The following FAM241A variants were observed in gnomAD, a reference collection of about 807,000 sequenced individuals.
FAM241A encodes the protein uncharacterized protein FAM241A.
A neutral mutation model predicts 12.2 loss-of-function variants in FAM241A; 7 were observed. That is an observed-to-expected ratio of 0.58 (90% CI 0.33 to 1.08). The LOEUF (loss-of-function observed/expected upper bound fraction) is 1.08, where lower values mean the gene tolerates loss of function less well. FAM241A is among the 50% of genes least tolerant of loss of function. FAM241A has a pLI of 0.04. For missense variants in FAM241A, 161 were observed against 169.7 expected (o/e 0.95, Z 0.29); for synonymous variants, 74 against 68.2 (o/e 1.08, Z -0.42).
Position 112,192,531 on chromosome 4 carries a change from G to A in FAM241A, c.*5593G>A, listed in dbSNP as rs1273713759. 14 of 133,212 alleles carry A rather than the reference G, an allele frequency of 1.1e-4. No homozygotes were observed. The highest frequency in any genetic ancestry group is 2.2e-4 in the Non-Finnish European group (14 of 65,104). 8.3% of individuals were successfully genotyped at this position (133,212 alleles called of 1,614,324 possible). A position where few individuals can be genotyped will look rare whatever the true frequency, so the allele number is the denominator to read the frequency against. On this transcript the variant is annotated 3_prime_UTR_variant, in exon 2 of 2. Coordinates refer to ENST00000309733, the MANE Select transcript of FAM241A (RefSeq NM_152400.3). ...CCCACAACAGTCCCCAGAGTGTGATGTTCCCCTTCCTGTGTCCATGTGTTC... is the reference window on the plus strand; with the variant it reads ...CCCACAACAGTCCCCAGAGTGTGATATTCCCCTTCCTGTGTCCATGTGTTC...
chr4:112,176,339 T>C (rs1305426311), intron 1 of FAM241A, among the ~76,000 whole-genome samples: 1 of 152,214 alleles, frequency 6.6e-6, no homozygotes, highest in East Asian at 1.9e-4. Context: ...TACCATATAT[T>C]GAGTGCTTAT....
At chr4:112,171,570 G>A in intron 1 of FAM241A, 1 of 709,038 alleles carries the variant, frequency 1.4e-6, no homozygotes, top group Non-Finnish European at 2.6e-6. Context: ...ATAAAATCTT[G>A]AGTTTATGGC....
chr4:112,186,851 C>A lies in FAM241A; in HGVS notation c.312C>A (p.Phe104Leu), dbSNP rs200998231. Residue 104 changes from phenylalanine to leucine, a missense_variant, in exon 2 of 2, where the codon TTC (phenylalanine) becomes TTA (leucine). Physicochemically the swap from Phe to Leu is conservative, Grantham distance 22. Coordinates refer to ENST00000309733, the MANE Select transcript of FAM241A (RefSeq NM_152400.3). ...ERIVEPVIVI[F>L]FWVMLWFLGL... ...TAGTGGAACCAGTAATAGTCATTTT[C>A]TTTTGGGTTATGCTGTGGTTCCTTG... The A allele has an allele frequency of 3.5e-5, 56 of 1,613,838 alleles. No individual in the cohort carries two copies. The highest frequency in any genetic ancestry group is 4.5e-5 in the Non-Finnish European group (53 of 1,179,956).
intron 1 of FAM241A, among the ~76,000 whole-genome samples, chr4:112,162,693 A>T (rs1013249760): frequency 6.6e-6 from 1 of 152,246 alleles, no homozygotes; most frequent in African/African-American, 2.4e-5. Context: ...TTCCATGCTC[A>T]TGGGTAGGAA....
chr4:112,179,710 A>T (rs539856547), intron 1 of FAM241A, among the ~76,000 whole-genome samples: 27 of 141,914 alleles, frequency 1.9e-4, no homozygotes, highest in Middle Eastern at 3.6e-3. Context: ...AGTATAATAA[A>T]ATATATATAT....
chr4:112,155,310 TAAAATG>T (rs1723329744), intron 1 of FAM241A, among the ~76,000 whole-genome samples: 1 of 152,150 alleles, frequency 6.6e-6, no homozygotes, highest in African/African-American at 2.4e-5. Context: ...GCCCGGTAGT[TAAAATG>T]AAAAATGAAT....
At chr4:112,158,968 C>T (rs776719468) in intron 1 of FAM241A, among the ~76,000 whole-genome samples, 3 of 152,044 alleles carry the variant, frequency 2.0e-5, no homozygotes, top group Admixed American at 6.6e-5. Flanking sequence ...ACCCCTTTTC[C>T]CCCCATACAT....
At chr4:112,157,640 G>T (rs1172651602) in intron 1 of FAM241A, among the ~76,000 whole-genome samples, 1 of 151,396 alleles carries the variant, frequency 6.6e-6, no homozygotes, top group Non-Finnish European at 1.5e-5. Flanking sequence ...TGATTTATAT[G>T]AAAAAAAAGT....
At chr4:112,161,494 C>T (rs1342825662) in intron 1 of FAM241A, among the ~76,000 whole-genome samples, 3 of 152,236 alleles carry the variant, frequency 2.0e-5, no homozygotes, top group African/African-American at 2.4e-5. Flanking sequence ...ACCAATCCCA[C>T]GGAAATACAA....
intron 1 of FAM241A, among the ~76,000 whole-genome samples, chr4:112,178,845 CAAAG>C (rs1461519456): frequency 1.3e-5 from 2 of 151,946 alleles, no homozygotes; most frequent in Non-Finnish European, 2.9e-5. Flanking sequence ...AGACACTTCT[CAAAG>C]GAAGACATAA....
At chr4:112,183,196 A>G (rs916662709) in intron 1 of FAM241A, among the ~76,000 whole-genome samples, 3 of 151,960 alleles carry the variant, frequency 2.0e-5, no homozygotes, top group Admixed American at 6.6e-5. Flanking sequence ...TAAGGTGGCA[A>G]AGTTTTAGAA....
intron 1 of FAM241A, among the ~76,000 whole-genome samples, chr4:112,161,861 G>T (rs1399861890): frequency 3.3e-5 from 5 of 152,094 alleles, no homozygotes; most frequent in African/African-American, 9.7e-5. Flanking sequence ...AACAAAAAAA[G>T]AGAATTTTAG....
intron 1 of FAM241A, among the ~76,000 whole-genome samples, chr4:112,177,292 T>C (rs1007111953): frequency 6.6e-6 from 1 of 152,168 alleles, no homozygotes; most frequent in African/African-American, 2.4e-5. Flanking sequence ...CTGTGTAAAA[T>C]GAAAGTGTAT....
At chr4:112,155,633 C>G (rs1447511018) in intron 1 of FAM241A, among the ~76,000 whole-genome samples, 1 of 151,828 alleles carries the variant, frequency 6.6e-6, no homozygotes, top group Non-Finnish European at 1.5e-5. Context: ...GAAATGAAAA[C>G]TGCAACTTCA....
intron 1 of FAM241A, among the ~76,000 whole-genome samples, chr4:112,184,395 G>A (rs1382249109): frequency 2.0e-5 from 3 of 152,154 alleles, no homozygotes; most frequent in Admixed American, 6.5e-5. Flanking sequence ...CAGGCATGGT[G>A]GTGCATGCCT....
intron 1 of FAM241A, among the ~76,000 whole-genome samples, chr4:112,186,162 T>C (rs937620014): frequency 1.3e-5 from 2 of 151,898 alleles, no homozygotes; most frequent in Admixed American, 6.6e-5. Context: ...AAAAAAAAAA[T>C]TTGTATTAAA....
intron 1 of FAM241A, among the ~76,000 whole-genome samples, chr4:112,165,867 A>G (rs985356567): frequency 6.6e-6 from 1 of 152,194 alleles, no homozygotes; most frequent in African/African-American, 2.4e-5. Context: ...GATTGTTGTC[A>G]AAATAATTTA....
At chr4:112,162,952 C>T (rs534304290) in intron 1 of FAM241A, among the ~76,000 whole-genome samples, 11 of 152,218 alleles carry the variant, frequency 7.2e-5, no homozygotes, top group Admixed American at 6.5e-5. Flanking sequence ...GGTACTGCTA[C>T]GAAAACAGAG....
intron 1 of FAM241A, among the ~76,000 whole-genome samples, chr4:112,167,180 TAAA>T (rs888331672): frequency 2.4e-4 from 36 of 151,294 alleles, no homozygotes; most frequent in Admixed American, 9.9e-4. Flanking sequence ...AGGTATGACT[TAAA>T]AATTGAATCT....
Sources: gnomAD v4.1 joint callset for allele counts (sites outside exome capture counted in the v4.1 genomes callset) on GRCh38, gnomAD v4.1.1 for gene constraint, MANE v1.5 for transcripts, NCBI Gene and HGNC (gene_info 2026-07-23, HGNC 2026-07-21) for gene names.